The following MAST2 variants were observed in gnomAD, a reference collection of about 807,000 sequenced individuals.
The protein encoded by MAST2 is microtubule associated serine/threonine kinase 2.
In MAST2, 70 loss-of-function variants were observed where a neutral mutation model predicts 147.4. That is an observed-to-expected ratio of 0.47 (90% CI 0.39 to 0.58). The LOEUF is 0.58. MAST2 is among the 20% of genes least tolerant of loss of function. MAST2 has a pLI of 0.00. For synonymous variants in MAST2, 869 were observed against 896.8 expected (o/e 0.97, Z 0.55); for missense variants, 2,080 against 2,302.3 (o/e 0.90, Z 1.98).
chr1:45,815,184 CT>C lies in MAST2; in HGVS notation c.178-9234del, dbSNP rs36054374. On this transcript the variant is annotated intron_variant, in intron 1 of 28. Coordinates refer to ENST00000361297, the MANE Select transcript of MAST2 (RefSeq NM_015112.3). ...AAGTAATATAGTTTTGTCAGATCTT[CT>C]TTTTTTTTTTTTTTGAAACTGTCTC... 5.3e-3 allele frequency among the ~76,000 whole-genome samples: 736 copies of C among 139,548 alleles called. 2 individuals are homozygous for C. Among genetic ancestry groups the C allele is most frequent in the East Asian group, 0.022 (104 of 4,826 alleles). The allele number at this position is 139,548 out of a possible 152,430, so 91.5% of individuals were successfully genotyped here.
rs1319730142 is a variant in MAST2, at chr1:46,030,243, G to A, written c.2553+5G>A. The A allele has an allele frequency of 6.2e-7, 1 of 1,613,528 alleles. No homozygotes were observed. The highest frequency in any genetic ancestry group is 8.5e-7 in the Non-Finnish European group (1 of 1,179,636). On this transcript the variant is annotated splice_donor_5th_base_variant and intron_variant, in intron 21 of 28. Coordinates refer to ENST00000361297, the MANE Select transcript of MAST2 (RefSeq NM_015112.3). The stretch of plus-strand genomic sequence containing the variant: ...TGCTCTCCAAGGTTCAACAAGGTGT[G>A]ACTGAGGAGGCCCAGAATGGGCAGA...
chr1:45,824,322 T>C (rs558846627), intron 1 of MAST2, 111 bp from the exon 2 acceptor site: 64 of 683,412 alleles, frequency 9.4e-5, no homozygotes, highest in Non-Finnish European at 1.3e-4. Context: ...GGAAGTATAA[T>C]ATTTTGGCAC....
At chr1:45,964,184 T>A (rs1453661115) in intron 5 of MAST2, among the ~76,000 whole-genome samples, 1 of 152,182 alleles carries the variant, frequency 6.6e-6, no homozygotes, top group Non-Finnish European at 1.5e-5. Flanking sequence ...TCTCTTTTTT[T>A]GTTGTGTCTC....
At chr1:45,821,240 A>G (rs753987219) in intron 1 of MAST2, among the ~76,000 whole-genome samples, 18 of 152,020 alleles carry the variant, frequency 1.2e-4, no homozygotes, top group Non-Finnish European at 1.5e-4. Context: ...TATGCTCAAG[A>G]TAGAATTCCG....
At chr1:45,863,298 A>T (rs1221849294) in intron 3 of MAST2, among the ~76,000 whole-genome samples, 1 of 152,212 alleles carries the variant, frequency 6.6e-6, no homozygotes, top group Non-Finnish European at 1.5e-5. Flanking sequence ...TTAAAGGCCT[A>T]TGACTTTGCA....
intron 4 of MAST2, among the ~76,000 whole-genome samples, chr1:45,908,572 C>T (rs2148550474): frequency 6.6e-6 from 1 of 152,172 alleles, no homozygotes; most frequent in South Asian, 2.1e-4. Flanking sequence ...GTTTCGTTTC[C>T]AAATATTGGA....
intron 5 of MAST2, among the ~76,000 whole-genome samples, chr1:45,987,470 C>A (rs527514998): frequency 1.7e-4 from 26 of 152,152 alleles, no homozygotes; most frequent in African/African-American, 6.3e-4. Flanking sequence ...CACCGCCATA[C>A]CCAGCTAATT....
intron 3 of MAST2, among the ~76,000 whole-genome samples, chr1:45,845,451 A>G (rs2147941353): frequency 6.6e-6 from 1 of 152,324 alleles, no homozygotes; most frequent in African/African-American, 2.4e-5. Context: ...CTAATACAGC[A>G]TTAATGTTTT....
At chr1:45,837,310 A>T (rs912233117) in intron 3 of MAST2, among the ~76,000 whole-genome samples, 1 of 152,156 alleles carries the variant, frequency 6.6e-6, no homozygotes. Context: ...GCAACTACTG[A>T]TGTGCTTTTT....
intron 5 of MAST2, 65 bp downstream of exon 5, chr1:45,959,542 T>C: frequency 7.4e-7 from 1 of 1,342,488 alleles, no homozygotes; most frequent in East Asian, 2.3e-5. Context: ...ATTTCTTTCC[T>C]ACTTCTCATG....
At chr1:45,953,344 A>G (rs1389181915) in intron 4 of MAST2, among the ~76,000 whole-genome samples, 1 of 152,172 alleles carries the variant, frequency 6.6e-6, no homozygotes, top group Admixed American at 6.6e-5. Context: ...CTTGCGGGGA[A>G]TTCTGACTAC....
At chr1:45,913,659 A>G (rs1401942349) in intron 4 of MAST2, 3 of 1,011,498 alleles carry the variant, frequency 3.0e-6, no homozygotes, top group South Asian at 3.7e-5. Flanking sequence ...TTGTGGGGGG[A>G]TGGGAGGGGT....
chr1:45,939,515 A>G (rs1055050919), intron 4 of MAST2, among the ~76,000 whole-genome samples: 2 of 133,554 alleles, frequency 1.5e-5, no homozygotes, highest in African/African-American at 2.8e-5. Flanking sequence ...CTATATAAGT[A>G]TGAGGATCAA....
At chr1:45,911,104 G>A (rs1651588736) in intron 4 of MAST2, among the ~76,000 whole-genome samples, 1 of 152,164 alleles carries the variant, frequency 6.6e-6, no homozygotes, top group African/African-American at 2.4e-5. Context: ...ATAAATAAAT[G>A]TGTGAATGAA....
chr1:45,948,081 A>G (rs1165731542), intron 4 of MAST2, among the ~76,000 whole-genome samples: 4 of 152,246 alleles, frequency 2.6e-5, no homozygotes, highest in African/African-American at 9.6e-5. Flanking sequence ...AATCACTAGC[A>G]GAAAGCACTA....
At chr1:45,982,909 T>C (rs932033796) in intron 5 of MAST2, among the ~76,000 whole-genome samples, 5 of 152,198 alleles carry the variant, frequency 3.3e-5, no homozygotes, top group African/African-American at 1.2e-4. Context: ...TATACCCAAC[T>C]TGAGGTAGTG....
At chr1:45,972,147 G>A (rs1643936631) in intron 5 of MAST2, among the ~76,000 whole-genome samples, 2 of 152,136 alleles carry the variant, frequency 1.3e-5, no homozygotes, top group Admixed American at 6.6e-5. Context: ...CACAGACCTC[G>A]GCCCACTGCA....
At chr1:45,947,331 A>C (rs909054458) in intron 4 of MAST2, among the ~76,000 whole-genome samples, 3 of 132,102 alleles carry the variant, frequency 2.3e-5, no homozygotes, top group African/African-American at 8.3e-5. Context: ...AAAAAAAAAA[A>C]CCCAAACACC....
chr1:45,848,595 C>T (rs771433946), intron 3 of MAST2, among the ~76,000 whole-genome samples: 1 of 152,188 alleles, frequency 6.6e-6, no homozygotes, highest in African/African-American at 2.4e-5. Context: ...TTGCCTCATG[C>T]ACCTTTTCCA....
Sources: gnomAD v4.1 joint callset for allele counts (sites outside exome capture counted in the v4.1 genomes callset) on GRCh38, gnomAD v4.1.1 for gene constraint, MANE v1.5 for transcripts, NCBI Gene and HGNC (gene_info 2026-07-23, HGNC 2026-07-21) for gene names.